POU2F1: variants seen among roughly 807,000 people sequenced by gnomAD.
POU2F1 encodes the protein POU class 2 homeobox 1, also known as POU domain, class 2, transcription factor 1.
In POU2F1, 16 loss-of-function variants were observed where a neutral mutation model predicts 84.9. The ratio of observed to expected loss-of-function variants is 0.19; its 90% CI spans 0.13 to 0.29. POU2F1 has a LOEUF of 0.29. Ranked by LOEUF, POU2F1 falls within the 10% of genes least tolerant of loss-of-function variation. POU2F1 has a pLI of 1.00. For synonymous variants in POU2F1, 368 were observed against 368.3 expected (o/e 1.00, Z 0.01); for missense variants, 738 against 942.6 (o/e 0.78, Z 2.84).
chr1:167,308,719 A>G (rs182020628), intron 1 of POU2F1, among the ~76,000 whole-genome samples: 26 of 152,006 alleles, frequency 1.7e-4, no homozygotes, highest in African/African-American at 5.1e-4. Context: ...GGATCTCACT[A>G]TGTTGTTCAG....
At chr1:167,290,566 C>T (rs1384791561) in intron 1 of POU2F1, among the ~76,000 whole-genome samples, 1 of 152,226 alleles carries the variant, frequency 6.6e-6, no homozygotes, top group African/African-American at 2.4e-5. Context: ...GTCTCAAGGT[C>T]AGAATCATGT....
chr1:167,426,410 C>G lies in POU2F1; in HGVS notation c.*10600C>G, dbSNP rs1176617330. On this transcript the variant is annotated 3_prime_UTR_variant, in exon 16 of 16. Coordinates refer to ENST00000367866, the MANE Select transcript of POU2F1 (RefSeq NM_002697.4). ...TAACAGTTTTCACTGCCTAGGTGTT[C>G]ATAATAAAAAAGAAAATGAAAAAAG... 2 of 152,024 alleles carry G rather than the reference C, an allele frequency of 1.3e-5. No homozygotes were observed. The highest frequency in any genetic ancestry group is 1.5e-5 in the Non-Finnish European group (1 of 68,010). 9.4% of individuals were successfully genotyped at this position (152,024 alleles called of 1,614,324 possible).
intron 1 of POU2F1, among the ~76,000 whole-genome samples, chr1:167,327,442 G>A (rs1656781148): frequency 6.6e-6 from 1 of 152,184 alleles, no homozygotes; most frequent in Non-Finnish European, 1.5e-5. Context: ...AGAAAAACTG[G>A]TAATGCAGAG....
intron 1 of POU2F1, among the ~76,000 whole-genome samples, chr1:167,247,630 A>G (rs1053722410): frequency 1.4e-4 from 21 of 152,172 alleles, no homozygotes; most frequent in Non-Finnish European, 2.9e-4. Flanking sequence ...TTCTGTCTAT[A>G]ATACAATGAT....
chr1:167,298,726 T>A (rs1428005571), intron 1 of POU2F1, among the ~76,000 whole-genome samples: 1 of 152,202 alleles, frequency 6.6e-6, no homozygotes, highest in Non-Finnish European at 1.5e-5. Context: ...TTCAAAAAAC[T>A]ATTCAGTTTG....
intron 2 of POU2F1, among the ~76,000 whole-genome samples, chr1:167,340,810 C>T (rs1657797747): frequency 6.6e-6 from 1 of 151,956 alleles, no homozygotes; most frequent in Admixed American, 6.6e-5. Flanking sequence ...ATTTTGTTCT[C>T]AATAAATTTA....
intron 1 of POU2F1, among the ~76,000 whole-genome samples, chr1:167,294,902 G>C (rs1237020391): frequency 6.6e-6 from 1 of 152,160 alleles, no homozygotes; most frequent in Admixed American, 6.5e-5. Flanking sequence ...GGAAGGCTGA[G>C]GTGGGCAGAT....
intron 1 of POU2F1, among the ~76,000 whole-genome samples, chr1:167,285,808 A>G (rs930971147): frequency 1.3e-5 from 2 of 152,144 alleles, no homozygotes; most frequent in African/African-American, 4.8e-5. Context: ...GATTTAGGAC[A>G]GATACTCTTC....
At chr1:167,275,723 A>AC (rs773399278) in intron 1 of POU2F1, among the ~76,000 whole-genome samples, 42 of 152,228 alleles carry the variant, frequency 2.8e-4, no homozygotes, top group Admixed American at 9.2e-4. Flanking sequence ...AAATTCTACC[A>AC]CCCCCTGCCC....
chr1:167,298,137 A>G (rs902585402), intron 1 of POU2F1, among the ~76,000 whole-genome samples: 16 of 150,506 alleles, frequency 1.1e-4, no homozygotes, highest in African/African-American at 3.9e-4. Flanking sequence ...CAAAAACAAC[A>G]ACAACAACAA....
chr1:167,401,441 T>C lies in POU2F1; in HGVS notation c.1450-10T>C, dbSNP rs1649199288. On this transcript the variant is annotated splice_polypyrimidine_tract_variant and intron_variant, in intron 12 of 15. Transcript: ENST00000367866. ...AGTGCTTTGTCCATGTTTTCATTTC[T>C]GACCTCAAGGTGGCGACCACACCAA... The C allele has an allele frequency of 1.3e-6, 2 of 1,591,704 alleles. No homozygotes were observed. The highest frequency in any genetic ancestry group is 4.5e-5 in the East Asian group (2 of 44,470).
chr1:167,246,905 A>G (rs1222217413), intron 1 of POU2F1, among the ~76,000 whole-genome samples: 1 of 152,200 alleles, frequency 6.6e-6, no homozygotes, highest in African/African-American at 2.4e-5. Context: ...TGACCCAGTA[A>G]TCCCATAGAC....
At chr1:167,249,761 A>G (rs946956527) in intron 1 of POU2F1, among the ~76,000 whole-genome samples, 6 of 152,198 alleles carry the variant, frequency 3.9e-5, no homozygotes, top group Non-Finnish European at 7.3e-5. Context: ...AACTGTCCTG[A>G]GTGATACATT....
chr1:167,297,491 A>G (rs1654363625), intron 1 of POU2F1, among the ~76,000 whole-genome samples: 1 of 152,232 alleles, frequency 6.6e-6, no homozygotes, highest in African/African-American at 2.4e-5. Flanking sequence ...GTCCAGAGAA[A>G]AGAGAGTAGT....
At chr1:167,337,883 A>G in intron 2 of POU2F1, 1 of 333,098 alleles carries the variant, frequency 3.0e-6, no homozygotes, top group Non-Finnish European at 5.9e-6. Flanking sequence ...GGCTAACAGT[A>G]CTGTTTTGTG....
At chr1:167,371,628 C>T (rs1415632197) in intron 4 of POU2F1, among the ~76,000 whole-genome samples, 1 of 151,994 alleles carries the variant, frequency 6.6e-6, no homozygotes, top group Non-Finnish European at 1.5e-5. Context: ...TTCCCTTTAC[C>T]CCCTATTTCT....
intron 9 of POU2F1, among the ~76,000 whole-genome samples, chr1:167,390,877 C>T (rs548046943): frequency 5.6e-4 from 85 of 152,252 alleles, no homozygotes; most frequent in African/African-American, 1.9e-3. Flanking sequence ...AGCACAGGCA[C>T]GCATACTCTC....
At chr1:167,269,424 C>G (rs1652204989) in intron 1 of POU2F1, among the ~76,000 whole-genome samples, 1 of 152,126 alleles carries the variant, frequency 6.6e-6, no homozygotes, top group South Asian at 2.1e-4. Flanking sequence ...GAATAAATAG[C>G]TGATGACTGG....
At chr1:167,351,530 A>G (rs1658573894) in intron 2 of POU2F1, among the ~76,000 whole-genome samples, 1 of 147,516 alleles carries the variant, frequency 6.8e-6, no homozygotes, top group Non-Finnish European at 1.5e-5. Context: ...AAAAAAAAAA[A>G]AAAAAAAAAA....
Sources: gnomAD v4.1 joint callset for allele counts (sites outside exome capture counted in the v4.1 genomes callset) on GRCh38, gnomAD v4.1.1 for gene constraint, MANE v1.5 for transcripts, NCBI Gene and HGNC (gene_info 2026-07-23, HGNC 2026-07-21) for gene names.